The following TBCA variants were observed in gnomAD, a reference collection of about 807,000 sequenced individuals.
TBCA encodes the protein tubulin folding cofactor A.
Under a neutral mutation model 15.8 loss-of-function variants are expected in TBCA, and 6 were observed. That is an observed-to-expected ratio of 0.38 (90% CI 0.21 to 0.75). The LOEUF (loss-of-function observed/expected upper bound fraction) is 0.75, where lower values mean the gene tolerates loss of function less well. Among genes scored for constraint, TBCA ranks in the 30% least tolerant of loss-of-function variants. The pLI is 0.46. For missense variants in TBCA, 90 were observed against 131.2 expected (o/e 0.69, Z 1.53); for synonymous variants, 32 against 42.3 (o/e 0.76, Z 0.94).
intron 1 of TBCA, among the ~76,000 whole-genome samples, chr5:77,719,425 C>A (rs1746479271): frequency 6.6e-6 from 1 of 152,176 alleles, no homozygotes; most frequent in Non-Finnish European, 1.5e-5. Context: ...CACACCCTGA[C>A]CCCAGCCACT....
intron 1 of TBCA, among the ~76,000 whole-genome samples, chr5:77,759,065 G>A (rs1250391786): frequency 6.6e-6 from 1 of 152,092 alleles, no homozygotes; most frequent in East Asian, 1.9e-4. Flanking sequence ...CTGGTGGGGG[G>A]GTAGGTGGGA....
chr5:77,755,616 G>A (rs924864908), intron 1 of TBCA, among the ~76,000 whole-genome samples: 1 of 151,904 alleles, frequency 6.6e-6, no homozygotes, highest in Non-Finnish European at 1.5e-5. Context: ...AATAAAATGT[G>A]CACAAGAACA....
chr5:77,707,426 C>T (rs1288092126), intron 2 of TBCA, among the ~76,000 whole-genome samples: 1 of 151,976 alleles, frequency 6.6e-6, no homozygotes, highest in African/African-American at 2.4e-5. Flanking sequence ...CAAGGAAGAA[C>T]AGAAATTAAT....
chr5:77,752,466 T>C (rs1447501514), intron 1 of TBCA, among the ~76,000 whole-genome samples: 1 of 152,208 alleles, frequency 6.6e-6, no homozygotes, highest in South Asian at 2.1e-4. Flanking sequence ...CAGGTTCAAA[T>C]GATCCTACTG....
chr5:77,715,349 T>G, intron 1 of TBCA: 2 of 696,516 alleles, frequency 2.9e-6, no homozygotes, highest in Non-Finnish European at 5.2e-6. Flanking sequence ...AGGTTAACAC[T>G]GTGCTATAGG....
intron 1 of TBCA, among the ~76,000 whole-genome samples, chr5:77,750,472 G>C (rs1747297653): frequency 6.6e-6 from 1 of 152,066 alleles, no homozygotes; most frequent in African/African-American, 2.4e-5. Flanking sequence ...TCTAAAAAAG[G>C]TCTAGTCCAA....
intron 2 of TBCA, among the ~76,000 whole-genome samples, chr5:77,700,951 T>C (rs1745997676): frequency 1.3e-5 from 2 of 152,082 alleles, no homozygotes; most frequent in Non-Finnish European, 2.9e-5. Context: ...ATCTAAGACC[T>C]GAAACCATGA....
chr5:77,691,397 C>T lies in TBCA; in HGVS notation c.*21G>A. ...TGGACCCCAGGATTTAATGCAAAAACCACCCCATACGAGAAAAGTTTCAGG... is the reference window on the plus strand; with the variant it reads ...TGGACCCCAGGATTTAATGCAAAAATCACCCCATACGAGAAAAGTTTCAGG... On this transcript the variant is annotated 3_prime_UTR_variant, in exon 4 of 4. Coordinates refer to ENST00000380377, the MANE Select transcript of TBCA (RefSeq NM_004607.3). The T allele has an allele frequency of 1.9e-6, 3 of 1,587,000 alleles. No individual in the cohort carries two copies. Among genetic ancestry groups the T allele is most frequent in the Non-Finnish European group, 2.6e-6 (3 of 1,168,062 alleles).
At chr5:77,730,530 G>A (rs1397809182) in intron 1 of TBCA, among the ~76,000 whole-genome samples, 1 of 152,080 alleles carries the variant, frequency 6.6e-6, no homozygotes, top group Non-Finnish European at 1.5e-5. Flanking sequence ...GCAGTCCTAA[G>A]TAATTGAAAC....
At position 77,708,351 on chromosome 5, in the gene TBCA, TA is replaced by T. The variant is rs578052504; in HGVS notation, c.54-5del. On this transcript the variant is annotated splice_region_variant and splice_polypyrimidine_tract_variant and intron_variant, in intron 1 of 3. Coordinates refer to ENST00000380377, the MANE Select transcript of TBCA (RefSeq NM_004607.3). ...CATCACTTTTTCTTTGACCAACCTA[TA>T]AAAAAGCCAAAAATGTTTTAGAAAA... The T allele has an allele frequency of 1.3e-6, 2 of 1,586,598 alleles. No homozygotes were observed. The highest frequency in any genetic ancestry group is 8.6e-7 in the Non-Finnish European group (1 of 1,159,374).
Position 77,706,896 on chromosome 5 carries a change from T to G in TBCA, c.159+1346A>C, listed in dbSNP as rs866186714. On this transcript the variant is annotated intron_variant, in intron 2 of 3. Coordinates refer to ENST00000380377, the MANE Select transcript of TBCA (RefSeq NM_004607.3). ...ATTAGATGTGGTTATGAGAAAGAGA[T>G]AAAAATATCAAGAAGGGACCAACTA... Among the ~76,000 whole-genome samples, 60 of 151,830 alleles carry G rather than the reference T, an allele frequency of 4.0e-4. 1 individual carries two copies. Among genetic ancestry groups the G allele is most frequent in the African/African-American group, 1.4e-3 (59 of 41,414 alleles).
chr5:77,740,769 T>C (rs551717067), intron 1 of TBCA, among the ~76,000 whole-genome samples: 2 of 152,194 alleles, frequency 1.3e-5, no homozygotes, highest in South Asian at 2.1e-4. Flanking sequence ...ATTGGAGTGC[T>C]GATGGAGTAA....
intron 1 of TBCA, 170 bp from the exon 2 acceptor site, chr5:77,708,517 C>T: frequency 2.1e-6 from 1 of 487,498 alleles, no homozygotes; most frequent in Non-Finnish European, 3.7e-6. Flanking sequence ...AAGCATGATC[C>T]TCATGCTCTT....
intron 1 of TBCA, among the ~76,000 whole-genome samples, chr5:77,765,039 T>G (rs1242429337): frequency 6.6e-6 from 1 of 152,132 alleles, no homozygotes; most frequent in South Asian, 2.1e-4. Context: ...CAATGTACAA[T>G]GTTAGCAAAA....
chr5:77,746,618 T>A (rs1016415237), intron 1 of TBCA, among the ~76,000 whole-genome samples: 1 of 152,208 alleles, frequency 6.6e-6, no homozygotes, highest in African/African-American at 2.4e-5. Context: ...CAAAACAGTC[T>A]CATGAATATT....
At chr5:77,725,766 TAA>T (rs1314900183) in intron 1 of TBCA, among the ~76,000 whole-genome samples, 1 of 152,190 alleles carries the variant, frequency 6.6e-6, no homozygotes, top group Non-Finnish European at 1.5e-5. Flanking sequence ...AGGCATCTTG[TAA>T]TAGTTAGCAT....
intron 1 of TBCA, among the ~76,000 whole-genome samples, chr5:77,739,534 C>A (rs1302034533): frequency 6.6e-6 from 1 of 152,148 alleles, no homozygotes; most frequent in African/African-American, 2.4e-5. Context: ...CTCTTCCCTG[C>A]CCACTTTCAC....
In TBCA at chr5:77,712,886, G is replaced by A. The variant is rs181553609; in HGVS notation, c.54-4539C>T. Among the ~76,000 whole-genome samples the A allele has an allele frequency of 2.0e-5, 3 of 152,148 alleles. No homozygotes were observed. The East Asian group carries it at 5.8e-4, about 29-fold the overall frequency. The stretch of plus-strand genomic sequence containing the variant: ...GATTTGGAATTCACAAACACATATG[G>A]GCCCAAGGGTTTTCAAAGTAAGGGA... On this transcript the variant is annotated intron_variant, in intron 1 of 3. Coordinates refer to ENST00000380377, the MANE Select transcript of TBCA (RefSeq NM_004607.3).
intron 1 of TBCA, among the ~76,000 whole-genome samples, chr5:77,756,208 C>T (rs543148612): frequency 4.4e-4 from 67 of 152,154 alleles, no homozygotes; most frequent in Non-Finnish European, 1.6e-4. Context: ...GGAGTCATTT[C>T]CACCCTCCTA....
Sources: gnomAD v4.1 joint callset for allele counts (sites outside exome capture counted in the v4.1 genomes callset) on GRCh38, gnomAD v4.1.1 for gene constraint, MANE v1.5 for transcripts, NCBI Gene and HGNC (gene_info 2026-07-23, HGNC 2026-07-21) for gene names.